PCDHA11: variants seen among roughly 807,000 people sequenced by gnomAD.
PCDHA11 encodes the protein protocadherin alpha-11.
PCDHA11 carries 61 observed loss-of-function variants against 70.3 expected under a neutral mutation model. The observed-to-expected ratio is 0.87, with a 90% CI of 0.71 to 1.07. PCDHA11 has a LOEUF of 1.07. Among genes scored for constraint, PCDHA11 ranks in the 50% least tolerant of loss-of-function variants. The pLI, the probability that PCDHA11 is intolerant of heterozygous loss-of-function variation, is 0.00. For synonymous variants in PCDHA11, 633 were observed against 555.1 expected, an observed-to-expected ratio of 1.14 and a Z score of -1.97; for missense variants, 1,324 against 1,237.5, an observed-to-expected ratio of 1.07 and a Z score of -1.05.
At chr5:140,920,636 G>C (rs1477753704) in intron 1 of PCDHA11, among the ~76,000 whole-genome samples, 1 of 152,096 alleles carries the variant, frequency 6.6e-6, no homozygotes, top group Non-Finnish European at 1.5e-5. Context: ...ACAAGGTCAA[G>C]AGATTGAGAC....
At position 140,941,191 on chromosome 5, in the gene PCDHA11, TTTTCTTTCTTCC is replaced by T. The variant is rs1293685535; in HGVS notation, c.2392-37735_2392-37724del. 2.6e-3 allele frequency among the ~76,000 whole-genome samples: 239 copies of T among 93,120 alleles called. 3 individuals are homozygous for T. Among genetic ancestry groups the T allele is most frequent in the East Asian group, 5.8e-3 (18 of 3,094 alleles). The allele number at this position is 93,120 out of a possible 152,430, so 61.1% of individuals were successfully genotyped here. ...CATCTTGAACATCCTGCTTCTTTTT[TTTTCTTTCTTCC>T]TTTCTTTCTTCCTTTCTTTCTTTCT... is the stretch of plus-strand genomic sequence containing the variant. On this transcript the variant is annotated intron_variant, in intron 1 of 3. Transcript: ENST00000398640.
At chr5:140,877,921 T>C (rs2153357057) in intron 1 of PCDHA11, 1 of 1,422,868 alleles carries the variant, frequency 7.0e-7, no homozygotes, top group South Asian at 1.6e-5. Context: ...CTCATTTTTC[T>C]TTATGATTCT....
intron 1 of PCDHA11, among the ~76,000 whole-genome samples, chr5:140,941,599 G>A (rs1017713166): frequency 3.3e-5 from 5 of 152,116 alleles, no homozygotes; most frequent in African/African-American, 1.2e-4. Flanking sequence ...ACAGCCATGA[G>A]CCATGGTGCC....
chr5:140,944,133 G>C (rs1051812384), intron 1 of PCDHA11, among the ~76,000 whole-genome samples: 2 of 152,134 alleles, frequency 1.3e-5, no homozygotes, highest in Non-Finnish European at 2.9e-5. Context: ...AGAAAAGGTT[G>C]AAGATTAGAA....
At chr5:140,966,125 C>T (rs1443798693) in intron 1 of PCDHA11, 1 of 159,140 alleles carries the variant, frequency 6.3e-6, no homozygotes, top group African/African-American at 2.4e-5. Context: ...TTAGCTAAGG[C>T]CCCTCAGTTT....
Position 140,926,391 on chromosome 5 carries a change from A to T in PCDHA11, c.2392-52558A>T, listed in dbSNP as rs76822698. On this transcript the variant is annotated intron_variant, in intron 1 of 3. Coordinates refer to ENST00000398640, the MANE Select transcript of PCDHA11 (RefSeq NM_018902.5). ...AGGAAGAGCCCAGCTGGGCTCAGCCACAGTTATCAGCAATCTGCGGGCAGA... is the reference window on the plus strand; with the variant it reads ...AGGAAGAGCCCAGCTGGGCTCAGCCTCAGTTATCAGCAATCTGCGGGCAGA... 1,228 of 152,462 alleles carry T rather than the reference A, an allele frequency of 8.1e-3. 5 individuals carry two copies. The highest frequency in any genetic ancestry group is 0.019 in the African/African-American group (792 of 41,554). The allele number at this position is 152,462 out of a possible 1,614,324, so 9.4% of individuals were successfully genotyped here.
Position 140,920,894 on chromosome 5 carries a change from T to G in PCDHA11, c.2391+49400T>G, listed in dbSNP as rs114918834. Among the ~76,000 whole-genome samples the G allele has an allele frequency of 2.6e-3, 390 of 151,496 alleles. 2 individuals carry two copies. The highest frequency in any genetic ancestry group is 9.2e-3 in the African/African-American group (379 of 41,284). Reference sequence around the variant, plus strand: ...GTGGCCCTTAGAACTTAAAGTCATATTTTGGTTCTCAAATCAGTTCCAAGA... The same window carrying G: ...GTGGCCCTTAGAACTTAAAGTCATAGTTTGGTTCTCAAATCAGTTCCAAGA... On this transcript the variant is annotated intron_variant, in intron 1 of 3. Coordinates refer to ENST00000398640, the MANE Select transcript of PCDHA11 (RefSeq NM_018902.5).
Position 140,938,896 on chromosome 5 carries a change from C to T in PCDHA11, c.2392-40053C>T, listed in dbSNP as rs188490743. 3.9e-5 allele frequency among the ~76,000 whole-genome samples: 6 copies of T among 152,036 alleles called. 1 individual carries two copies. The East Asian group carries it at 1.2e-3, about 29-fold the overall frequency. The stretch of plus-strand genomic sequence containing the variant: ...GAAGCAACACACACACACACAGATG[C>T]GCACACACACACACGCACAAGAAAT... On this transcript the variant is annotated intron_variant, in intron 1 of 3. Transcript: ENST00000398640.
At chr5:141,006,216 A>T (rs6897376) in intron 3 of PCDHA11, among the ~76,000 whole-genome samples, 45,154 of 145,800 alleles carry the variant, frequency 0.31, 6,982 homozygotes, top group East Asian at 0.44. Context: ...ATTTTTTTTT[A>T]AATTTTTTAT....
At chr5:140,922,916 C>T (rs2081069739) in intron 1 of PCDHA11, among the ~76,000 whole-genome samples, 1 of 152,146 alleles carries the variant, frequency 6.6e-6, no homozygotes, top group South Asian at 2.1e-4. Context: ...TACAAATAAA[C>T]TTCAGACTTT....
At chr5:140,887,955 CT>C (rs2061644555) in intron 1 of PCDHA11, among the ~76,000 whole-genome samples, 1 of 152,088 alleles carries the variant, frequency 6.6e-6, no homozygotes, top group Non-Finnish European at 1.5e-5. Flanking sequence ...GTATAAGATT[CT>C]TTTTGTCTCT....
chr5:140,977,345 T>C lies in PCDHA11; in HGVS notation c.2392-1604T>C, dbSNP rs139865600. Among the ~76,000 whole-genome samples, 25 of 152,342 alleles carry C rather than the reference T, an allele frequency of 1.6e-4. No homozygotes were observed. In the East Asian group the frequency reaches 4.8e-3, roughly 29 times the overall value. ...ATGGCGAGGGGAGAGACGGTGATGATGACTGATTGATAAAAAGTATTTTAG... is the reference window on the plus strand; with the variant it reads ...ATGGCGAGGGGAGAGACGGTGATGACGACTGATTGATAAAAAGTATTTTAG... On this transcript the variant is annotated intron_variant, in intron 1 of 3. Transcript: ENST00000398640.
intron 3 of PCDHA11, among the ~76,000 whole-genome samples, chr5:140,993,250 T>G (rs1554253518): frequency 6.6e-6 from 1 of 152,154 alleles, no homozygotes; most frequent in East Asian, 1.9e-4. Context: ...GGGATTTAGA[T>G]ATATAAATTA....
intron 1 of PCDHA11, among the ~76,000 whole-genome samples, chr5:140,947,946 C>T (rs1396530064): frequency 2.0e-5 from 3 of 151,452 alleles, no homozygotes; most frequent in African/African-American, 7.3e-5. Flanking sequence ...AAAAGTGTTC[C>T]ATATTTTACA....
chr5:140,882,170 C>G, intron 1 of PCDHA11: 1 of 1,513,564 alleles, frequency 6.6e-7, no homozygotes, highest in Non-Finnish European at 8.8e-7. Flanking sequence ...CTTGCGAATC[C>G]TTCCGCACTA....
chr5:140,883,862 C>T (rs1467289225), intron 1 of PCDHA11: 3 of 1,613,000 alleles, frequency 1.9e-6, no homozygotes, highest in Non-Finnish European at 1.7e-6. Flanking sequence ...GGAGCTGTTG[C>T]AGTTCCAGGT....
rs782319322 is a variant in PCDHA11, at chr5:140,870,788, C to T, written c.1685C>T (p.Pro562Leu). 6 of 1,613,518 alleles carry T rather than the reference C, an allele frequency of 3.7e-6. No individual in the cohort carries two copies. The Admixed American group carries it at 6.7e-5, about 18-fold the overall frequency. Residue 562 changes from proline to leucine, a missense_variant, in exon 1 of 4, where the codon CCG becomes CTG. Coordinates refer to ENST00000398640, the MANE Select transcript of PCDHA11 (RefSeq NM_018902.5). Reference sequence around the variant, plus strand: ...GTGCTGGACGAGAACGACAACGCGCCGGCACTGCTGGCGACTCAGGCTGGC... The same window carrying T: ...GTGCTGGACGAGAACGACAACGCGCTGGCACTGCTGGCGACTCAGGCTGGC... ...VFVLDENDNA[P>L]ALLATQAGSA...
chr5:140,994,608 G>A (rs1231327885), intron 3 of PCDHA11, among the ~76,000 whole-genome samples: 1 of 152,098 alleles, frequency 6.6e-6, no homozygotes, highest in African/African-American at 2.4e-5. Context: ...GGGAGGCTGA[G>A]GCACGAGAGT....
In PCDHA11 at chr5:140,869,067, G is replaced by T. The variant is rs1220928735; in HGVS notation, c.-37G>T. 1 of 1,570,438 alleles carries T rather than the reference G, an allele frequency of 6.4e-7. No homozygotes were observed. The highest frequency in any genetic ancestry group is 8.6e-7 in the Non-Finnish European group (1 of 1,159,940). ...AACTGAAGAATCTGGTACTGTAAGT[G>T]TAAAGAAGCTTATTTTGGAAGCCAA... On this transcript the variant is annotated 5_prime_UTR_variant, in exon 1 of 4. Transcript: ENST00000398640.
Sources: gnomAD v4.1 joint callset for allele counts (sites outside exome capture counted in the v4.1 genomes callset) on GRCh38, gnomAD v4.1.1 for gene constraint, MANE v1.5 for transcripts, NCBI Gene and HGNC (gene_info 2026-07-23, HGNC 2026-07-21) for gene names.